ARHGAP26: variants seen among roughly 807,000 people sequenced by gnomAD.
ARHGAP26 encodes Rho GTPase activating protein 26.
Under a neutral mutation model 104.8 loss-of-function variants are expected in ARHGAP26, and 38 were observed. The observed-to-expected ratio is 0.36, with a 90% CI of 0.28 to 0.48. The LOEUF is 0.48. Among genes scored for constraint, ARHGAP26 ranks in the 20% least tolerant of loss-of-function variants. The pLI is 0.99. For missense variants in ARHGAP26, 704 were observed against 947.9 expected, an observed-to-expected ratio of 0.74 and a Z score of 3.38; for synonymous variants, 341 against 340.0, an observed-to-expected ratio of 1.00 and a Z score of -0.03.
intron 20 of ARHGAP26, among the ~76,000 whole-genome samples, chr5:143,181,006 C>T (rs1225712764): frequency 1.3e-5 from 2 of 152,182 alleles, no homozygotes; most frequent in Non-Finnish European, 2.9e-5. Context: ...GCTTCCTTTA[C>T]TCATCACTGA....
intron 1 of ARHGAP26, among the ~76,000 whole-genome samples, chr5:142,846,100 G>A (rs1771889549): frequency 6.6e-6 from 1 of 152,208 alleles, no homozygotes; most frequent in Non-Finnish European, 1.5e-5. Flanking sequence ...TTTCAAGGGA[G>A]GGCAGTGTAC....
chr5:143,120,479 T>C (rs1341374424), intron 17 of ARHGAP26, among the ~76,000 whole-genome samples: 2 of 152,236 alleles, frequency 1.3e-5, no homozygotes, highest in Non-Finnish European at 2.9e-5. Context: ...ACATCTAAAG[T>C]GCTGAATTTC....
At chr5:143,146,627 A>G (rs1229170416) in intron 19 of ARHGAP26, among the ~76,000 whole-genome samples, 1 of 152,266 alleles carries the variant, frequency 6.6e-6, no homozygotes, top group Admixed American at 6.5e-5. Context: ...CGATTTATCA[A>G]AGAATTCACT....
Position 143,222,556 on chromosome 5 carries a change from C to A in ARHGAP26, c.*110C>A. 1.3e-6 allele frequency: 1 copy of A among 748,534 alleles called. No individual in the cohort carries two copies. Among genetic ancestry groups the A allele is most frequent in the Non-Finnish European group, 2.0e-6 (1 of 492,768 alleles). 46.4% of individuals were successfully genotyped at this position (748,534 alleles called of 1,614,324 possible). ...ACTGAGAAATGCAGCGTGACTGACTCTGTTGCTACCTGTCAACATGAATGT... is the reference window on the plus strand; with the variant it reads ...ACTGAGAAATGCAGCGTGACTGACTATGTTGCTACCTGTCAACATGAATGT... On this transcript the variant is annotated 3_prime_UTR_variant, in exon 23 of 23. Transcript: ENST00000645722.
intron 17 of ARHGAP26, among the ~76,000 whole-genome samples, chr5:143,111,852 GAGCTGCTGT>G (rs1457930794): frequency 6.6e-6 from 1 of 152,156 alleles, no homozygotes; most frequent in Non-Finnish European, 1.5e-5. Context: ...GTGTCAGGAT[GAGCTGCTGT>G]GGCCAACCAC....
intron 1 of ARHGAP26, among the ~76,000 whole-genome samples, chr5:142,819,660 G>A (rs985505408): frequency 6.6e-6 from 1 of 152,170 alleles, no homozygotes; most frequent in African/African-American, 2.4e-5. Flanking sequence ...ATGATTTTAG[G>A]TGTACAGTGA....
At chr5:142,994,176 C>G (rs1776046131) in intron 11 of ARHGAP26, among the ~76,000 whole-genome samples, 1 of 152,158 alleles carries the variant, frequency 6.6e-6, no homozygotes, top group Admixed American at 6.5e-5. Context: ...TGATTTTAGA[C>G]TGAGGGAGTT....
intron 20 of ARHGAP26, among the ~76,000 whole-genome samples, chr5:143,177,987 CTTTTTTTTTTT>C (rs397705462): frequency 0.01 from 590 of 58,380 alleles, 10 homozygotes; most frequent in African/African-American, 0.038. Flanking sequence ...TGTGGCAGTC[CTTTTTTTTTTT>C]TTTTTTTTTT....
At chr5:142,909,748 G>A (rs541827358) in intron 9 of ARHGAP26, among the ~76,000 whole-genome samples, 197 of 152,284 alleles carry the variant, frequency 1.3e-3, no homozygotes, top group African/African-American at 4.4e-3. Context: ...ACAGAGTTGT[G>A]CCTGCTTTCC....
chr5:143,007,897 A>G (rs533132522), intron 11 of ARHGAP26, among the ~76,000 whole-genome samples: 1 of 152,256 alleles, frequency 6.6e-6, no homozygotes, highest in African/African-American at 2.4e-5. Flanking sequence ...CTTTCCCTTC[A>G]TCTCTTAATT....
intron 20 of ARHGAP26, among the ~76,000 whole-genome samples, chr5:143,196,763 T>C (rs926003886): frequency 1.3e-5 from 2 of 152,138 alleles, no homozygotes; most frequent in South Asian, 2.1e-4. Context: ...TTGTTTACAG[T>C]ATGAGAGCTG....
At chr5:142,967,155 T>C (rs1771506773) in intron 11 of ARHGAP26, among the ~76,000 whole-genome samples, 1 of 152,184 alleles carries the variant, frequency 6.6e-6, no homozygotes, top group South Asian at 2.1e-4. Context: ...CTTTTAGTGC[T>C]GTAATGTTTT....
intron 18 of ARHGAP26, among the ~76,000 whole-genome samples, chr5:143,131,455 A>G (rs1203059921): frequency 6.6e-6 from 1 of 152,192 alleles, no homozygotes; most frequent in African/African-American, 2.4e-5. Flanking sequence ...AGGGAAAATA[A>G]TGAGAACCAG....
At chr5:142,804,679 A>G (rs1235037857) in intron 1 of ARHGAP26, among the ~76,000 whole-genome samples, 1 of 151,866 alleles carries the variant, frequency 6.6e-6, no homozygotes, top group Admixed American at 6.6e-5. Flanking sequence ...TTTAGTAGAG[A>G]CGGGGTTTCA....
chr5:143,194,933 G>A (rs184050203), intron 20 of ARHGAP26, among the ~76,000 whole-genome samples: 1 of 152,338 alleles, frequency 6.6e-6, no homozygotes, highest in Admixed American at 6.5e-5. Context: ...TTTGTGAATG[G>A]TCACGCTGAA....
chr5:142,950,204 A>C (rs1768094808), intron 11 of ARHGAP26, among the ~76,000 whole-genome samples: 1 of 151,966 alleles, frequency 6.6e-6, no homozygotes, highest in Non-Finnish European at 1.5e-5. Context: ...TGGAGGAGTG[A>C]ATGGGGAGGG....
chr5:142,960,279 T>C (rs574930333), intron 11 of ARHGAP26, among the ~76,000 whole-genome samples: 1 of 152,396 alleles, frequency 6.6e-6, no homozygotes, highest in African/African-American at 2.4e-5. Context: ...TTAAGTTCTA[T>C]GTACTCAGTC....
intron 9 of ARHGAP26, among the ~76,000 whole-genome samples, chr5:142,912,858 T>C (rs753155611): frequency 2.6e-5 from 4 of 152,144 alleles, no homozygotes; most frequent in Non-Finnish European, 4.4e-5. Flanking sequence ...CCCAAGATCA[T>C]AGAAGCTCAG....
chr5:143,147,433 C>T (rs1430352247), intron 20 of ARHGAP26, 52 bp downstream of exon 20: 1 of 1,575,476 alleles, frequency 6.3e-7, no homozygotes, highest in African/African-American at 1.4e-5. Context: ...TCAGCCATTC[C>T]ACCTAGAATT....
Sources: allele counts gnomAD v4.1 joint callset (sites outside exome capture counted in the v4.1 genomes callset), GRCh38; gene constraint gnomAD v4.1.1; transcripts MANE v1.5; gene names NCBI Gene and HGNC (gene_info 2026-07-23, HGNC 2026-07-21).